PRKAR1B: variants seen among roughly 807,000 people sequenced by gnomAD.
PRKAR1B encodes protein kinase cAMP-dependent type I regulatory subunit beta, also known as cAMP-dependent protein kinase type I-beta regulatory subunit.
Under a neutral mutation model 46.5 loss-of-function variants are expected in PRKAR1B, and 22 were observed. The observed-to-expected ratio is 0.47, with a 90% CI of 0.34 to 0.68. The LOEUF is 0.68. Ranked by LOEUF, PRKAR1B falls within the 30% of genes least tolerant of loss-of-function variation. The pLI, the probability that PRKAR1B is intolerant of heterozygous loss-of-function variation, is 0.01. For synonymous variants in PRKAR1B, 259 were observed against 217.7 expected, an observed-to-expected ratio of 1.19 and a Z score of -1.67; for missense variants, 445 against 535.6, an observed-to-expected ratio of 0.83 and a Z score of 1.67.
At chr7:581,501 C>T (rs932340506) in intron 8 of PRKAR1B, among the ~76,000 whole-genome samples, 1 of 152,170 alleles carries the variant, frequency 6.6e-6, no homozygotes, top group South Asian at 2.1e-4. Flanking sequence ...GTTTTCTTTA[C>T]TGGTTTCCTT....
intron 1 of PRKAR1B, among the ~76,000 whole-genome samples, chr7:717,574 C>A (rs1415259022): frequency 1.3e-5 from 2 of 151,990 alleles, no homozygotes; most frequent in Non-Finnish European, 2.9e-5. Flanking sequence ...GGCAGGATCA[C>A]CTGAACACAA....
intron 1 of PRKAR1B, chr7:726,539 G>C: frequency 2.3e-6 from 1 of 431,222 alleles, no homozygotes; most frequent in East Asian, 3.7e-5. Context: ...GCAGGCTGGC[G>C]GGGGTTCCGG....
intron 6 of PRKAR1B, among the ~76,000 whole-genome samples, chr7:604,878 A>G (rs1781918764): frequency 1.3e-5 from 2 of 152,038 alleles, no homozygotes; most frequent in Admixed American, 6.5e-5. Context: ...GACAAGGAGA[A>G]GGGCAGGCAG....
chr7:605,203 G>A (rs1781944050), intron 6 of PRKAR1B, among the ~76,000 whole-genome samples: 1 of 152,262 alleles, frequency 6.6e-6, no homozygotes, highest in African/African-American at 2.4e-5. Flanking sequence ...GCGGATTCCA[G>A]GAACCGAGGG....
At position 627,000 on chromosome 7, in the gene PRKAR1B, G is replaced by A. The variant is rs543737950; in HGVS notation, c.441-19548C>T. 9.7e-4 allele frequency among the ~76,000 whole-genome samples: 148 copies of A among 152,142 alleles called. 3 individuals carry two copies. The South Asian group carries it at 0.016, about 17-fold the overall frequency. ...AGCGATTCTCTTGCCTCAGCCTCCC[G>A]AATAGCTGGGACTACAGGCACCCGC... On this transcript the variant is annotated intron_variant, in intron 4 of 10. Coordinates refer to ENST00000537384, the MANE Select transcript of PRKAR1B (RefSeq NM_001164760.2).
At chr7:583,752 G>C (rs973381565) in intron 8 of PRKAR1B, among the ~76,000 whole-genome samples, 1 of 149,718 alleles carries the variant, frequency 6.7e-6, no homozygotes, top group Non-Finnish European at 1.5e-5. Context: ...ACCCATGCAT[G>C]TGCACTCGCA....
chr7:679,049 T>C (rs370776420), intron 3 of PRKAR1B, among the ~76,000 whole-genome samples: 1 of 152,172 alleles, frequency 6.6e-6, no homozygotes, highest in East Asian at 1.9e-4. Flanking sequence ...GATCATGCCA[T>C]TGCACTCCAG....
chr7:725,595 G>A (rs1054217614), intron 1 of PRKAR1B, among the ~76,000 whole-genome samples: 1 of 152,222 alleles, frequency 6.6e-6, no homozygotes, highest in Non-Finnish European at 1.5e-5. Flanking sequence ...TTAGTTTATA[G>A]TTTAACTTTG....
At chr7:675,929 G>A (rs1191012023) in intron 4 of PRKAR1B, among the ~76,000 whole-genome samples, 1 of 152,156 alleles carries the variant, frequency 6.6e-6, no homozygotes, top group East Asian at 1.9e-4. Context: ...CTGGGCAACA[G>A]AGCAAGACTC....
chr7:614,988 G>A (rs2128470409), intron 4 of PRKAR1B, among the ~76,000 whole-genome samples: 1 of 152,090 alleles, frequency 6.6e-6, no homozygotes, highest in African/African-American at 2.4e-5. Context: ...GAGGCAGGAG[G>A]ATTGCTTGAG....
intron 2 of PRKAR1B, among the ~76,000 whole-genome samples, chr7:693,470 T>C (rs1442896065): frequency 6.6e-6 from 1 of 151,818 alleles, no homozygotes; most frequent in Non-Finnish European, 1.5e-5. Context: ...CAACTGCCTG[T>C]TCCTGCTACT....
intron 4 of PRKAR1B, among the ~76,000 whole-genome samples, chr7:628,142 G>C (rs1444893561): frequency 6.6e-6 from 1 of 152,198 alleles, no homozygotes; most frequent in East Asian, 1.9e-4. Context: ...GGCTTCCTGT[G>C]CTCAGCCACA....
chr7:621,389 C>T (rs752830530), intron 4 of PRKAR1B, among the ~76,000 whole-genome samples: 1 of 152,156 alleles, frequency 6.6e-6, no homozygotes, highest in Admixed American at 6.5e-5. Flanking sequence ...TAAAAATTTA[C>T]AAAATTCATA....
chr7:618,124 A>G (rs1583310278), intron 4 of PRKAR1B, among the ~76,000 whole-genome samples: 1 of 151,990 alleles, frequency 6.6e-6, no homozygotes, highest in South Asian at 2.1e-4. Context: ...GAGGCAGGGC[A>G]AGGTCCAGGA....
intron 6 of PRKAR1B, among the ~76,000 whole-genome samples, chr7:605,154 C>G (rs555793185): frequency 3.3e-5 from 5 of 152,336 alleles, no homozygotes; most frequent in Middle Eastern, 3.4e-3. Context: ...CCCGGCAGAG[C>G]AGGGGACACA....
At position 644,029 on chromosome 7, in the gene PRKAR1B, C is replaced by T. The variant is rs900424684; in HGVS notation, c.440+33200G>A. Among the ~76,000 whole-genome samples the T allele has an allele frequency of 2.0e-5, 3 of 152,118 alleles. No homozygotes were observed. The highest frequency in any genetic ancestry group is 7.2e-5 in the African/African-American group (3 of 41,406). ...CAAACCCGTGAGCATGATGAAATGC[C>T]GGCTGCCCAGTGCTACGAAGCTAGG... is the stretch of plus-strand genomic sequence containing the variant. On this transcript the variant is annotated intron_variant, in intron 4 of 10. Coordinates refer to ENST00000537384, the MANE Select transcript of PRKAR1B (RefSeq NM_001164760.2). This position sits in a 1 kb window ranked among gnomAD's most constrained non-coding sequence, Gnocchi z 4.9.
At chr7:705,253 A>T (rs559074872) in intron 2 of PRKAR1B, among the ~76,000 whole-genome samples, 2 of 151,292 alleles carry the variant, frequency 1.3e-5, no homozygotes, top group East Asian at 3.9e-4. Context: ...CAGTAAACCG[A>T]GATCACGCCA....
chr7:653,868 TCAC>T (rs1321925093), intron 4 of PRKAR1B, among the ~76,000 whole-genome samples: 1 of 151,984 alleles, frequency 6.6e-6, no homozygotes, highest in African/African-American at 2.4e-5. Context: ...ATCACCAACA[TCAC>T]CATCATCACC....
chr7:586,875 T>G (rs1425815262), intron 7 of PRKAR1B, among the ~76,000 whole-genome samples: 1 of 146,658 alleles, frequency 6.8e-6, no homozygotes, highest in African/African-American at 2.5e-5. Context: ...GAGGGTCATT[T>G]ATCCCACCTT....
Sources: gnomAD v4.1 joint callset for allele counts (sites outside exome capture counted in the v4.1 genomes callset) on GRCh38, gnomAD v4.1.1 for gene constraint, Gnocchi (gnomAD v3.1) non-coding constraint, MANE v1.5 for transcripts, NCBI Gene and HGNC (gene_info 2026-07-23, HGNC 2026-07-21) for gene names.